The following RPH3A variants were observed in gnomAD, a reference collection of about 807,000 sequenced individuals.
RPH3A encodes the protein rabphilin 3A.
In RPH3A, 48 loss-of-function variants were observed where a neutral mutation model predicts 102.2. That is an observed-to-expected ratio of 0.47 (90% CI 0.37 to 0.60). The LOEUF is 0.60. RPH3A is among the 20% of genes least tolerant of loss of function. The pLI is 0.00. For missense variants in RPH3A, 781 were observed against 910.1 expected (o/e 0.86, Z 1.83); for synonymous variants, 310 against 324.3 (o/e 0.96, Z 0.47).
intron 19 of RPH3A, among the ~76,000 whole-genome samples, chr12:112,892,417 A>G (rs1377969652): frequency 1.3e-5 from 2 of 152,202 alleles, no homozygotes; most frequent in African/African-American, 2.4e-5. Context: ...GAAGGAAGGA[A>G]GTTTGGGTAG....
At chr12:112,751,221 G>A (rs2040784072) in intron 1 of RPH3A, among the ~76,000 whole-genome samples, 1 of 152,236 alleles carries the variant, frequency 6.6e-6, no homozygotes, top group Non-Finnish European at 1.5e-5. Context: ...GGGAGGTGAA[G>A]TGAGGATGTG....
intron 1 of RPH3A, among the ~76,000 whole-genome samples, chr12:112,596,544 G>T (rs902640460): frequency 6.6e-6 from 1 of 152,184 alleles, no homozygotes; most frequent in Non-Finnish European, 1.5e-5. Context: ...CTGGATGTGT[G>T]TGGCTCCACT....
intron 5 of RPH3A, among the ~76,000 whole-genome samples, chr12:112,863,616 G>A (rs928301759): frequency 6.6e-6 from 1 of 152,258 alleles, no homozygotes; most frequent in Non-Finnish European, 1.5e-5. Flanking sequence ...ACCATGCCCA[G>A]TTATGGGTTC....
intron 1 of RPH3A, among the ~76,000 whole-genome samples, chr12:112,687,425 G>C (rs2040273586): frequency 6.6e-6 from 1 of 152,152 alleles, no homozygotes; most frequent in Non-Finnish European, 1.5e-5. Context: ...CAGTCTGGAA[G>C]TCAAAGATTT....
intron 2 of RPH3A, among the ~76,000 whole-genome samples, chr12:112,807,209 T>C (rs1289587902): frequency 6.6e-6 from 1 of 151,962 alleles, no homozygotes; most frequent in African/African-American, 2.4e-5. Flanking sequence ...GAAAAGCCCA[T>C]CCTGCCTGCA....
intron 1 of RPH3A, among the ~76,000 whole-genome samples, chr12:112,763,775 C>G (rs956142766): frequency 2.0e-5 from 3 of 152,198 alleles, no homozygotes; most frequent in Admixed American, 6.5e-5. Context: ...GCCCTTCCCA[C>G]CATGGCCTGA....
intron 2 of RPH3A, among the ~76,000 whole-genome samples, chr12:112,824,831 G>C (rs1479505852): frequency 1.3e-5 from 2 of 152,150 alleles, no homozygotes; most frequent in African/African-American, 4.8e-5. Flanking sequence ...GTGCGTGACT[G>C]AACAAAGGAG....
chr12:112,719,867 A>G (rs1323856488), intron 1 of RPH3A, among the ~76,000 whole-genome samples: 4 of 152,206 alleles, frequency 2.6e-5, no homozygotes, highest in Non-Finnish European at 5.9e-5. Context: ...TATATGCTGC[A>G]TCTCACCACC....
intron 1 of RPH3A, among the ~76,000 whole-genome samples, chr12:112,713,097 CTTCTT>C (rs1565857625): frequency 9.6e-6 from 1 of 104,624 alleles, no homozygotes; most frequent in Non-Finnish European, 2.1e-5. Context: ...TCTTCTTCTT[CTTCTT>C]TTATTTTTTT....
chr12:112,796,550 A>G (rs2041233281), intron 2 of RPH3A, among the ~76,000 whole-genome samples: 1 of 152,232 alleles, frequency 6.6e-6, no homozygotes, highest in African/African-American at 2.4e-5. Flanking sequence ...GCCTGCATAC[A>G]GTAGGTGCTC....
At chr12:112,833,011 G>A (rs77965829) in intron 3 of RPH3A, among the ~76,000 whole-genome samples, 45,893 of 143,560 alleles carry the variant, frequency 0.32, 7,386 homozygotes, top group Middle Eastern at 0.41. Context: ...ATCTTGGCTC[G>A]CTGCAACCTT....
intron 1 of RPH3A, among the ~76,000 whole-genome samples, chr12:112,742,732 G>T (rs957864106): frequency 2.0e-5 from 3 of 152,170 alleles, no homozygotes; most frequent in Admixed American, 6.5e-5. Flanking sequence ...GGAGCTTGGG[G>T]TGGCACATGG....
Position 112,694,650 on chromosome 12 carries a change from GCACACA to G in RPH3A, c.-139-97464_-139-97459del, listed in dbSNP as rs71086119. Among the ~76,000 whole-genome samples the G allele has an allele frequency of 1.4e-3, 134 of 98,594 alleles. 1 individual carries two copies. Among genetic ancestry groups the G allele is most frequent in the African/African-American group, 5.3e-3 (124 of 23,436 alleles). The allele number at this position is 98,594 out of a possible 152,430, so 64.7% of individuals were successfully genotyped here. A position where few individuals can be genotyped will look rare whatever the true frequency, so the allele number is the denominator to read the frequency against. On this transcript the variant is annotated intron_variant, in intron 1 of 21. Coordinates refer to the RPH3A transcript ENST00000543106. ...CACACGCACGCGCGCGCGCGCACAC[GCACACA>G]CACACACACACACACACACACACAC...
At chr12:112,883,445 C>A in intron 16 of RPH3A, 43 bp downstream of exon 16, 1 of 1,455,126 alleles carries the variant, frequency 6.9e-7, no homozygotes, top group Non-Finnish European at 9.6e-7. Context: ...AAAGGGGAGA[C>A]TCGGGGTGGG....
chr12:112,860,853 CA>C (rs1214836198), intron 5 of RPH3A, among the ~76,000 whole-genome samples: 1 of 152,180 alleles, frequency 6.6e-6, no homozygotes, highest in Non-Finnish European at 1.5e-5. Context: ...TAGTTGGGAG[CA>C]ACTGTGTATA....
At chr12:112,876,528 T>C (rs2042799856) in intron 12 of RPH3A, 114 bp from the exon 13 acceptor site, 2 of 727,156 alleles carry the variant, frequency 2.8e-6, no homozygotes, top group East Asian at 2.8e-5. Context: ...TCCCACTGCA[T>C]ATCCACTGAT....
At chr12:112,836,397 G>A (rs963518729) in intron 3 of RPH3A, 94 bp from the exon 4 acceptor site, 4 of 616,136 alleles carry the variant, frequency 6.5e-6, no homozygotes, top group African/African-American at 3.8e-5. Flanking sequence ...TTCAAGCTAC[G>A]TGAGTGTTGC....
chr12:112,815,277 T>A (rs1243305345), intron 2 of RPH3A, among the ~76,000 whole-genome samples: 2 of 152,234 alleles, frequency 1.3e-5, no homozygotes, highest in South Asian at 2.1e-4. Flanking sequence ...ATTATTAAGT[T>A]GAACCACATG....
chr12:112,778,578 G>A (rs954277361), intron 1 of RPH3A, among the ~76,000 whole-genome samples: 5 of 152,142 alleles, frequency 3.3e-5, no homozygotes, highest in Non-Finnish European at 7.4e-5. Flanking sequence ...GGAACGTTTT[G>A]TTTTACATTA....
Sources: gnomAD v4.1 joint callset for allele counts (sites outside exome capture counted in the v4.1 genomes callset) on GRCh38, gnomAD v4.1.1 for gene constraint, MANE v1.5 for transcripts, NCBI Gene and HGNC (gene_info 2026-07-23, HGNC 2026-07-21) for gene names.